Variants in LDAH observed in about 807,000 individuals in gnomAD.
LDAH encodes the protein lipid droplet associated hydrolase, also known as lipid droplet-associated hydrolase.
In LDAH, 26 loss-of-function variants were observed where a neutral mutation model predicts 29.6. The observed-to-expected ratio is 0.88, with a 90% CI of 0.64 to 1.22. The LOEUF (loss-of-function observed/expected upper bound fraction) is 1.22. Among genes scored for constraint, LDAH ranks in the 50% most tolerant of loss-of-function variants. The pLI, the probability that LDAH is intolerant of heterozygous loss-of-function variation, is 0.00. For synonymous variants in LDAH, 117 were observed against 133.0 expected (o/e 0.88, Z 0.83); for missense variants, 344 against 387.3 (o/e 0.89, Z 0.94).
Position 20,768,620 on chromosome 2 carries a change from C to T in LDAH, c.468+6190G>A, listed in dbSNP as rs116731394. On this transcript the variant is annotated intron_variant, in intron 4 of 6. Transcript: ENST00000237822. Reference sequence around the variant, plus strand: ...CTGAGCATAGCCTGTCAGGCAGAGTCGGTGGAACGAGCCCAGTGGGCCCGA... The same window carrying T: ...CTGAGCATAGCCTGTCAGGCAGAGTTGGTGGAACGAGCCCAGTGGGCCCGA... Among the ~76,000 whole-genome samples the T allele has an allele frequency of 7.8e-3, 1,195 of 152,280 alleles. 10 individuals are homozygous for T. Among genetic ancestry groups the T allele is most frequent in the African/African-American group, 0.027 (1,130 of 41,554 alleles).
intron 4 of LDAH, among the ~76,000 whole-genome samples, chr2:20,760,081 C>T (rs1428209678): frequency 6.6e-6 from 1 of 152,112 alleles, no homozygotes. Flanking sequence ...AAAAGACATG[C>T]TTATCAACAA....
chr2:20,819,987 C>T (rs992452415), intron 1 of LDAH, among the ~76,000 whole-genome samples: 47 of 151,890 alleles, frequency 3.1e-4, no homozygotes, highest in African/African-American at 4.1e-4. Flanking sequence ...AACAGAGAGC[C>T]AAATCATGAG....
chr2:20,700,677 GCAA>G (rs2149352007), intron 6 of LDAH, among the ~76,000 whole-genome samples: 1 of 152,156 alleles, frequency 6.6e-6, no homozygotes, highest in South Asian at 2.1e-4. Context: ...AGGTACATAT[GCAA>G]TTTTAGAATT....
At chr2:20,704,175 A>T (rs1367494648) in intron 5 of LDAH, among the ~76,000 whole-genome samples, 1 of 152,256 alleles carries the variant, frequency 6.6e-6, no homozygotes, top group Admixed American at 6.5e-5. Context: ...CCTTAAATAT[A>T]GCCATGATAT....
At chr2:20,751,160 T>A (rs1262694941) in intron 4 of LDAH, among the ~76,000 whole-genome samples, 1 of 152,222 alleles carries the variant, frequency 6.6e-6, no homozygotes, top group Admixed American at 6.5e-5. Context: ...GAAGTTTTTT[T>A]AAAAGCAGTC....
intron 1 of LDAH, among the ~76,000 whole-genome samples, chr2:20,809,016 A>C (rs1672285653): frequency 6.6e-6 from 1 of 152,204 alleles, no homozygotes; most frequent in South Asian, 2.1e-4. Context: ...TAAAGCTTCC[A>C]AAAGATAACA....
At chr2:20,796,587 C>G (rs1353032378) in intron 2 of LDAH, among the ~76,000 whole-genome samples, 1 of 152,126 alleles carries the variant, frequency 6.6e-6, no homozygotes, top group Non-Finnish European at 1.5e-5. Flanking sequence ...ATGATGAAAT[C>G]CAAAGAACTT....
intron 5 of LDAH, among the ~76,000 whole-genome samples, chr2:20,725,006 G>T (rs896649126): frequency 6.6e-6 from 1 of 152,172 alleles, no homozygotes; most frequent in Non-Finnish European, 1.5e-5. Flanking sequence ...CAACCATTGT[G>T]GGTGTATATA....
At position 20,778,660 on chromosome 2, in the gene LDAH, T is replaced by C. The variant is rs192592855; in HGVS notation, c.299-3681A>G. On this transcript the variant is annotated intron_variant, in intron 3 of 6. Coordinates refer to ENST00000237822, the MANE Select transcript of LDAH (RefSeq NM_021925.4). The stretch of plus-strand genomic sequence containing the variant: ...ATAATCTACTAACAGGAAACAGACA[T>C]AGATAAAAACACAATCATTAAATGC... Among the ~76,000 whole-genome samples, 3 of 152,228 alleles carry C rather than the reference T, an allele frequency of 2.0e-5. No homozygotes were observed. The East Asian group carries it at 5.8e-4, about 29-fold the overall frequency.
At chr2:20,815,775 A>C (rs1230671597) in intron 1 of LDAH, among the ~76,000 whole-genome samples, 1 of 152,142 alleles carries the variant, frequency 6.6e-6, no homozygotes, top group Non-Finnish European at 1.5e-5. Context: ...TCCTAAAAAA[A>C]AGTTCCTCAA....
chr2:20,808,531 G>A (rs1194812167), intron 1 of LDAH, among the ~76,000 whole-genome samples: 1 of 152,080 alleles, frequency 6.6e-6, no homozygotes, highest in Non-Finnish European at 1.5e-5. Context: ...GGGCGTGGTG[G>A]CGGGCGTCTA....
intron 5 of LDAH, among the ~76,000 whole-genome samples, chr2:20,718,143 G>A (rs972915977): frequency 8.6e-5 from 13 of 151,988 alleles, no homozygotes; most frequent in Non-Finnish European, 1.2e-4. Flanking sequence ...CAAGTAAAAC[G>A]ACAGTATTAA....
intron 1 of LDAH, among the ~76,000 whole-genome samples, chr2:20,807,057 C>T (rs1672112667): frequency 6.6e-6 from 1 of 151,884 alleles, no homozygotes; most frequent in South Asian, 2.1e-4. Flanking sequence ...AGAGATGGTA[C>T]AATCAATCAA....
chr2:20,784,786 C>T lies in LDAH; in HGVS notation c.298+5469G>A, dbSNP rs543793512. On this transcript the variant is annotated intron_variant, in intron 3 of 6. Coordinates refer to ENST00000237822, the MANE Select transcript of LDAH (RefSeq NM_021925.4). Reference sequence around the variant, plus strand: ...TCTGTAGTCCCAGCTACTTGGGAGGCTGAGGTGGGAGGATCACCTGATCCT... The same window carrying T: ...TCTGTAGTCCCAGCTACTTGGGAGGTTGAGGTGGGAGGATCACCTGATCCT... Among the ~76,000 whole-genome samples, 13 of 152,032 alleles carry T rather than the reference C, an allele frequency of 8.6e-5. No homozygotes were observed. In the East Asian group the frequency reaches 2.5e-3, roughly 29 times the overall value.
intron 5 of LDAH, among the ~76,000 whole-genome samples, chr2:20,713,951 T>C (rs944861647): frequency 6.6e-6 from 1 of 152,192 alleles, no homozygotes; most frequent in Non-Finnish European, 1.5e-5. Context: ...AACACCCCAC[T>C]GTCAATATTA....
intron 6 of LDAH, among the ~76,000 whole-genome samples, chr2:20,692,038 C>A (rs115107147): frequency 6.6e-6 from 1 of 152,126 alleles, no homozygotes; most frequent in African/African-American, 2.4e-5. Context: ...GGTCTACAAA[C>A]AGCACTGTTG....
In LDAH at chr2:20,755,367, T is replaced by C. The variant is rs1425490472; in HGVS notation, c.469-15162A>G. ...GCCATGGTGCTTCCAATCCCCTTTA[T>C]CTTGCTCCACTCTTTATATCAAGGC... is the stretch of plus-strand genomic sequence containing the variant. On this transcript the variant is annotated intron_variant, in intron 4 of 6. Coordinates refer to ENST00000237822, the MANE Select transcript of LDAH (RefSeq NM_021925.4). Among the ~76,000 whole-genome samples the C allele has an allele frequency of 2.0e-5, 3 of 152,366 alleles. No homozygotes were observed. The East Asian group carries it at 5.8e-4, about 29-fold the overall frequency.
intron 5 of LDAH, among the ~76,000 whole-genome samples, chr2:20,724,726 T>C (rs1351062011): frequency 6.6e-6 from 1 of 152,174 alleles, no homozygotes; most frequent in East Asian, 1.9e-4. Flanking sequence ...CCAGAGACAA[T>C]GTAGAGGCAA....
At chr2:20,744,262 A>G (rs1227779795) in intron 4 of LDAH, among the ~76,000 whole-genome samples, 1 of 137,766 alleles carries the variant, frequency 7.3e-6, no homozygotes, top group African/African-American at 2.7e-5. Context: ...TATGCCTGGT[A>G]ATTTTTTCTT....
Sources: allele counts gnomAD v4.1 joint callset (sites outside exome capture counted in the v4.1 genomes callset), GRCh38; gene constraint gnomAD v4.1.1; transcripts MANE v1.5; gene names NCBI Gene and HGNC (gene_info 2026-07-23, HGNC 2026-07-21).